Variants in UVRAG observed in about 807,000 individuals in gnomAD.
UVRAG encodes the protein UV radiation resistance associated, also known as UV radiation resistance-associated gene protein.
In UVRAG, 19 loss-of-function variants were observed where a neutral mutation model predicts 78.0. That is an observed-to-expected ratio of 0.24 (90% CI 0.17 to 0.36). The LOEUF is 0.36. Ranked by LOEUF, UVRAG falls within the 10% of genes least tolerant of loss-of-function variation. UVRAG has a pLI of 1.00. For synonymous variants in UVRAG, 323 were observed against 324.6 expected (o/e 1.00, Z 0.05); for missense variants, 740 against 853.8 (o/e 0.87, Z 1.66).
chr11:76,024,812 T>C (rs190488054), intron 12 of UVRAG, among the ~76,000 whole-genome samples: 4 of 152,294 alleles, frequency 2.6e-5, no homozygotes, highest in Admixed American at 2.6e-4. Flanking sequence ...AAATTAGACA[T>C]GGTTTTTCTT....
chr11:76,136,643 G>A (rs1043431765), intron 14 of UVRAG, among the ~76,000 whole-genome samples: 1 of 150,376 alleles, frequency 6.6e-6, no homozygotes, highest in African/African-American at 2.5e-5. Flanking sequence ...GACTACAAGC[G>A]CTCACCACCA....
At chr11:75,836,933 A>T (rs1945789684) in intron 1 of UVRAG, among the ~76,000 whole-genome samples, 1 of 152,014 alleles carries the variant, frequency 6.6e-6, no homozygotes, top group Admixed American at 6.6e-5. Flanking sequence ...AGGCCCTCCC[A>T]TTCTAATCAA....
chr11:75,875,596 C>CT (rs1321065217), intron 3 of UVRAG, among the ~76,000 whole-genome samples: 2 of 148,526 alleles, frequency 1.3e-5, no homozygotes, highest in East Asian at 3.9e-4. Context: ...TCTTTTTACT[C>CT]TGTCATCCAT....
At chr11:75,965,458 T>C (rs1353691826) in intron 7 of UVRAG, among the ~76,000 whole-genome samples, 1 of 152,074 alleles carries the variant, frequency 6.6e-6, no homozygotes, top group Non-Finnish European at 1.5e-5. Flanking sequence ...ACTACAGGCG[T>C]CCACCACCAC....
intron 11 of UVRAG, among the ~76,000 whole-genome samples, chr11:76,009,919 C>T: frequency 6.6e-6 from 1 of 151,988 alleles, no homozygotes; most frequent in Non-Finnish European, 1.5e-5. Context: ...TGAGGTATAC[C>T]AGTAGCTATA....
intron 4 of UVRAG, among the ~76,000 whole-genome samples, chr11:75,880,928 CTTTTTTTTTTTT>C (rs773034018): frequency 0.048 from 4,255 of 87,782 alleles, 266 homozygotes; most frequent in African/African-American, 0.17. Context: ...TTATTTACTT[CTTTTTTTTTTTT>C]TTTTTTTTTT....
chr11:75,862,629 A>G (rs76998747), intron 3 of UVRAG, among the ~76,000 whole-genome samples: 2,386 of 152,314 alleles, frequency 0.016, 39 homozygotes, highest in African/African-American at 0.048. Context: ...CGCTTGACTG[A>G]AGAGGTCTTC....
chr11:75,980,336 A>AT (rs1050629446), intron 7 of UVRAG, among the ~76,000 whole-genome samples: 1 of 151,710 alleles, frequency 6.6e-6, no homozygotes, highest in Non-Finnish European at 1.5e-5. Flanking sequence ...CAATTTTGTT[A>AT]TTTTTTATTT....
rs142623054 is a variant in UVRAG at position 76,139,460 on chromosome 11, G to T, written c.1398-1251G>T. 4.6e-3 allele frequency among the ~76,000 whole-genome samples: 696 copies of T among 152,302 alleles called. 9 individuals carry two copies. Among genetic ancestry groups the T allele is most frequent in the African/African-American group, 0.016 (651 of 41,542 alleles). On this transcript the variant is annotated intron_variant, in intron 14 of 14. Transcript: ENST00000356136. ...CTACCCCAAGGCCAGGCACATATGGGAACTATTTGTTGGGTGTGTGTAGTT... is the reference window on the plus strand; with the variant it reads ...CTACCCCAAGGCCAGGCACATATGGTAACTATTTGTTGGGTGTGTGTAGTT...
At chr11:75,985,317 A>G (rs1949478228) in intron 8 of UVRAG, among the ~76,000 whole-genome samples, 1 of 151,990 alleles carries the variant, frequency 6.6e-6, no homozygotes, top group Non-Finnish European at 1.5e-5. Flanking sequence ...AATTTTATAA[A>G]CATTTCATAT....
At chr11:75,911,290 C>A in intron 5 of UVRAG, 1 of 164,662 alleles carries the variant, frequency 6.1e-6, no homozygotes, top group South Asian at 1.8e-4. Flanking sequence ...CCTGAGTTGT[C>A]GGGATAGATT....
intron 13 of UVRAG, among the ~76,000 whole-genome samples, chr11:76,111,359 A>G (rs897228314): frequency 3.3e-5 from 5 of 152,144 alleles, no homozygotes; most frequent in Admixed American, 6.5e-5. Context: ...AGAGCTAAAC[A>G]TAGGAGGGTA....
At chr11:76,096,708 G>GCTGT (rs1208145518) in intron 13 of UVRAG, among the ~76,000 whole-genome samples, 2 of 152,178 alleles carry the variant, frequency 1.3e-5, no homozygotes, top group African/African-American at 4.8e-5. Flanking sequence ...CAGGCCTCTT[G>GCTGT]CTGTCATCTG....
rs1196917697 is a variant in UVRAG at position 76,020,492 on chromosome 11, C to G, written c.1226+3512C>G. 5.9e-5 allele frequency among the ~76,000 whole-genome samples: 9 copies of G among 151,932 alleles called. No individual in the cohort carries two copies. The East Asian group carries it at 1.7e-3, about 30-fold the overall frequency. On this transcript the variant is annotated intron_variant, in intron 12 of 14. Coordinates refer to ENST00000356136, the MANE Select transcript of UVRAG (RefSeq NM_003369.4). ...GTCCTTCCTTTTAAGGCAACACATT[C>G]CCTTCTGGCCCAGCGTGGGTCTAGA... is the stretch of plus-strand genomic sequence containing the variant.
intron 12 of UVRAG, among the ~76,000 whole-genome samples, chr11:76,034,341 G>A (rs1342797763): frequency 1.3e-5 from 2 of 151,980 alleles, no homozygotes; most frequent in Admixed American, 6.6e-5. Context: ...ATAGTCTTAT[G>A]CCAGCATGCC....
intron 4 of UVRAG, among the ~76,000 whole-genome samples, chr11:75,881,274 C>T (rs1289019222): frequency 6.6e-6 from 1 of 152,122 alleles, no homozygotes; most frequent in Non-Finnish European, 1.5e-5. Flanking sequence ...TGGGGCACAG[C>T]TTGGTTTTAT....
At chr11:75,937,996 A>C (rs1442073533) in intron 6 of UVRAG, among the ~76,000 whole-genome samples, 1 of 152,132 alleles carries the variant, frequency 6.6e-6, no homozygotes, top group Non-Finnish European at 1.5e-5. Context: ...CATTTAGTAT[A>C]TCATCAGGTT....
chr11:76,107,482 T>G (rs920836792), intron 13 of UVRAG, among the ~76,000 whole-genome samples: 1 of 152,236 alleles, frequency 6.6e-6, no homozygotes, highest in Non-Finnish European at 1.5e-5. Flanking sequence ...AGCTTCTAGT[T>G]TTGACTTCTA....
chr11:75,997,228 C>G (rs1175137345), intron 8 of UVRAG, among the ~76,000 whole-genome samples: 1 of 152,058 alleles, frequency 6.6e-6, no homozygotes, highest in Non-Finnish European at 1.5e-5. Context: ...TGTGGAAAAC[C>G]CAGAAGAATG....
Sources: allele counts gnomAD v4.1 joint callset (sites outside exome capture counted in the v4.1 genomes callset), GRCh38; gene constraint gnomAD v4.1.1; transcripts MANE v1.5; gene names NCBI Gene and HGNC (gene_info 2026-07-23, HGNC 2026-07-21).